EPHA6: variants seen among roughly 807,000 people sequenced by gnomAD.
The protein encoded by EPHA6 is EPH receptor A6, also known as ephrin type-A receptor 6.
EPHA6 carries 50 observed loss-of-function variants against 112.0 expected under a neutral mutation model. That is an observed-to-expected ratio of 0.45 (90% CI 0.36 to 0.56). EPHA6 has a LOEUF of 0.56. Ranked by LOEUF, EPHA6 falls within the 20% of genes least tolerant of loss-of-function variation. The probability of loss-of-function intolerance (pLI) is 0.00; values close to 1 mark genes in which losing one functional copy is unlikely to be tolerated. For missense variants in EPHA6, 1,280 were observed against 1,417.4 expected (o/e 0.90, Z 1.56); for synonymous variants, 529 against 490.7 (o/e 1.08, Z -1.03).
chr3:97,236,246 T>C (rs761812172), intron 4 of EPHA6, among the ~76,000 whole-genome samples: 6 of 151,562 alleles, frequency 4.0e-5, no homozygotes, highest in Non-Finnish European at 8.8e-5. Flanking sequence ...GTCACTGAGG[T>C]TGGAGAAACA....
chr3:97,344,929 GA>G (rs2083466354), intron 5 of EPHA6, among the ~76,000 whole-genome samples: 1 of 152,012 alleles, frequency 6.6e-6, no homozygotes, highest in Non-Finnish European at 1.5e-5. Context: ...AAGAAGGAAG[GA>G]GAAAGAATAG....
In EPHA6 at chr3:96,885,361, T is replaced by A. The variant is rs542234027; in HGVS notation, c.450+18472T>A. Among the ~76,000 whole-genome samples, 28 of 152,272 alleles carry A rather than the reference T, an allele frequency of 1.8e-4. No homozygotes were observed. In the East Asian group the frequency reaches 2.3e-3, roughly 13 times the overall value. ...GCTGTAAATCCCTCTTGTCCTGAACTTTTTTTGGTTGGTATTTTTTAAATT... is the reference window on the plus strand; with the variant it reads ...GCTGTAAATCCCTCTTGTCCTGAACATTTTTTGGTTGGTATTTTTTAAATT... On this transcript the variant is annotated intron_variant, in intron 2 of 17. Coordinates refer to ENST00000389672, the MANE Select transcript of EPHA6 (RefSeq NM_001080448.3).
At chr3:96,891,476 C>T (rs772442269) in intron 2 of EPHA6, among the ~76,000 whole-genome samples, 9 of 151,978 alleles carry the variant, frequency 5.9e-5, no homozygotes, top group South Asian at 2.1e-4. Flanking sequence ...TCTGGGAGAC[C>T]GAGATGGGCA....
intron 2 of EPHA6, among the ~76,000 whole-genome samples, chr3:96,972,605 A>G (rs919828189): frequency 5.9e-5 from 9 of 152,186 alleles, no homozygotes; most frequent in Non-Finnish European, 8.8e-5. Context: ...TCCTTAAATC[A>G]GACCAGCCTT....
chr3:96,867,876 T>G (rs747074502), intron 2 of EPHA6, among the ~76,000 whole-genome samples: 2 of 151,992 alleles, frequency 1.3e-5, no homozygotes, highest in African/African-American at 2.4e-5. Context: ...AAATATCCTA[T>G]GAAGAGTGAA....
intron 14 of EPHA6, chr3:97,648,523 C>G (rs188167565): frequency 7.0e-6 from 9 of 1,277,252 alleles, no homozygotes; most frequent in Non-Finnish European, 8.9e-6. Flanking sequence ...AATTTTTAAG[C>G]CTTGAACATG....
Position 97,320,275 on chromosome 3 carries a change from A to G in EPHA6, c.1606+75988A>G, listed in dbSNP as rs181621786. On this transcript the variant is annotated intron_variant, in intron 5 of 17. Coordinates refer to ENST00000389672, the MANE Select transcript of EPHA6 (RefSeq NM_001080448.3). ...ATATTGTTAAGGTTTTCTACCTTCC[A>G]TGACATCCTGCTATGCTATAAACAG... is the stretch of plus-strand genomic sequence containing the variant. Among the ~76,000 whole-genome samples the G allele has an allele frequency of 1.3e-3, 192 of 152,192 alleles. 2 individuals are homozygous for G. The highest frequency in any genetic ancestry group is 2.8e-4 in the Non-Finnish European group (19 of 68,022).
At chr3:96,870,188 G>A (rs2036555533) in intron 2 of EPHA6, among the ~76,000 whole-genome samples, 1 of 151,950 alleles carries the variant, frequency 6.6e-6, no homozygotes, top group Non-Finnish European at 1.5e-5. Flanking sequence ...TTTGGGAATT[G>A]GCTCACATGA....
chr3:97,448,621 C>T lies in EPHA6; in HGVS notation c.1785C>T (p.Ile595=), dbSNP rs746120871. 4.3e-6 allele frequency: 7 copies of T among 1,613,596 alleles called. No individual in the cohort carries two copies. The Admixed American group carries it at 6.7e-5, about 15-fold the overall frequency. The part of the protein sequence containing the change: ...SSTRSKAPSV[I]ITGLKPATKY... ...CAAGGTCCAAAGCCCCCAGTGTCAT[C>T]ATCACAGGTCTTAAGCCAGCCACCA... The change falls in exon 7 of 18, where the codon ATC becomes ATT. Residue 595 remains isoleucine, a synonymous_variant. Coordinates refer to ENST00000389672, the MANE Select transcript of EPHA6 (RefSeq NM_001080448.3).
At chr3:97,102,818 A>G (rs1236249080) in intron 3 of EPHA6, among the ~76,000 whole-genome samples, 2 of 151,946 alleles carry the variant, frequency 1.3e-5, no homozygotes, top group African/African-American at 2.4e-5. Flanking sequence ...AGTAATAGCC[A>G]TTCTGACTCA....
rs575953780 is a variant in EPHA6 at position 96,897,269 on chromosome 3, A to G, written c.450+30380A>G. Among the ~76,000 whole-genome samples the G allele has an allele frequency of 2.5e-4, 38 of 152,038 alleles. No homozygotes were observed. In the South Asian group the frequency reaches 2.7e-3, roughly 11 times the overall value. Reference sequence around the variant, plus strand: ...ACTGTTTATCAAGGCTGTTCATGCTATATAGTGATCTTGCCATGTGTCTAT... The same window carrying G: ...ACTGTTTATCAAGGCTGTTCATGCTGTATAGTGATCTTGCCATGTGTCTAT... On this transcript the variant is annotated intron_variant, in intron 2 of 17. Transcript: ENST00000389672.
chr3:97,609,610 G>A (rs1298879516), intron 12 of EPHA6, among the ~76,000 whole-genome samples: 1 of 151,332 alleles, frequency 6.6e-6, no homozygotes, highest in Non-Finnish European at 1.5e-5. Context: ...TTAACCTTTA[G>A]CACATCTTTA....
At chr3:97,667,799 A>G (rs1406599323) in intron 14 of EPHA6, among the ~76,000 whole-genome samples, 1 of 152,144 alleles carries the variant, frequency 6.6e-6, no homozygotes, top group East Asian at 1.9e-4. Flanking sequence ...GCTCTTTTTC[A>G]TGGAGCAAAT....
rs71623564 is a variant in EPHA6 at position 96,994,732 on chromosome 3, T to TAGAGAG, written c.1114+6764_1114+6769dup. Among the ~76,000 whole-genome samples the TAGAGAG allele has an allele frequency of 6.6e-4, 54 of 82,198 alleles. 2 individuals carry two copies. The highest frequency in any genetic ancestry group is 2.4e-3 in the African/African-American group (38 of 15,540). 53.9% of individuals were successfully genotyped at this position (82,198 alleles called of 152,430 possible). A position where few individuals can be genotyped will look rare whatever the true frequency, so the allele number is the denominator to read the frequency against. ...GTGTATATATATATATATATATATA[T>TAGAGAG]AGAGAGAGAGAGAGAGAGAGAGAGA... On this transcript the variant is annotated intron_variant, in intron 3 of 17. Transcript: ENST00000389672.
At chr3:97,072,014 C>T (rs895439416) in intron 3 of EPHA6, among the ~76,000 whole-genome samples, 2 of 151,930 alleles carry the variant, frequency 1.3e-5, no homozygotes, top group Non-Finnish European at 1.5e-5. Context: ...ATAATGGTCT[C>T]CAATTTGATT....
chr3:97,252,133 A>G (rs1393971989), intron 5 of EPHA6, among the ~76,000 whole-genome samples: 1 of 152,146 alleles, frequency 6.6e-6, no homozygotes, highest in Non-Finnish European at 1.5e-5. Context: ...CAGAACAGAA[A>G]AATATCAGCC....
intron 5 of EPHA6, among the ~76,000 whole-genome samples, chr3:97,274,066 C>T (rs970854398): frequency 3.9e-5 from 6 of 152,044 alleles, no homozygotes; most frequent in South Asian, 2.1e-4. Context: ...CAGATTTCCA[C>T]GATGGAAAGG....
At chr3:97,460,858 G>A (rs2090864077) in intron 7 of EPHA6, among the ~76,000 whole-genome samples, 2 of 152,120 alleles carry the variant, frequency 1.3e-5, no homozygotes, top group African/African-American at 4.8e-5. Context: ...ACTCCCACAT[G>A]TTCATGCTGA....
In EPHA6 at chr3:97,646,302, C is replaced by A. The variant is rs1576191783; in HGVS notation, c.2784+8220C>A. On this transcript the variant is annotated intron_variant, in intron 14 of 17. Coordinates refer to ENST00000389672, the MANE Select transcript of EPHA6 (RefSeq NM_001080448.3). ...AAAGCAATGTGACAAGAGAGATAAC[C>A]CTCCAACAGTGAGTCTTTCAGAGCC... 3 of 1,517,104 alleles carry A rather than the reference C, an allele frequency of 2.0e-6. No homozygotes were observed. The Admixed American group carries it at 6.4e-5, about 32-fold the overall frequency. 94.0% of individuals were successfully genotyped at this position (1,517,104 alleles called of 1,614,324 possible). A position where few individuals can be genotyped will look rare whatever the true frequency, so the allele number is the denominator to read the frequency against.
Sources: gnomAD v4.1 joint callset for allele counts (sites outside exome capture counted in the v4.1 genomes callset) on GRCh38, gnomAD v4.1.1 for gene constraint, MANE v1.5 for transcripts, NCBI Gene and HGNC (gene_info 2026-07-23, HGNC 2026-07-21) for gene names.